Variants in MALRD1 observed in about 807,000 individuals in gnomAD.
MALRD1 encodes the protein MAM and LDL receptor class A domain containing 1, also known as MAM and LDL-receptor class A domain-containing protein 1.
MALRD1 carries 247 observed loss-of-function variants against 242.1 expected under a neutral mutation model. The observed-to-expected ratio is 1.02, with a 90% CI of 0.92 to 1.13. MALRD1 has a LOEUF of 1.13. Ranked by LOEUF, MALRD1 falls within the 50% of genes most tolerant of loss-of-function variation. The pLI is 0.00. For synonymous variants in MALRD1, 995 were observed against 866.6 expected (o/e 1.15, Z -2.60); for missense variants, 2,989 against 2,533.1 (o/e 1.18, Z -3.86).
At chr10:19,580,069 A>G (rs1837033960) in intron 33 of MALRD1, among the ~76,000 whole-genome samples, 1 of 152,288 alleles carries the variant, frequency 6.6e-6, no homozygotes, top group Middle Eastern at 3.4e-3. Flanking sequence ...TTAAACAGGA[A>G]TGAATCTGTA....
At chr10:19,107,198 A>G (rs1362943982) in intron 5 of MALRD1, among the ~76,000 whole-genome samples, 1 of 151,970 alleles carries the variant, frequency 6.6e-6, no homozygotes, top group Non-Finnish European at 1.5e-5. Context: ...TTCTGTCTGA[A>G]TTATCCGTCC....
intron 2 of MALRD1, among the ~76,000 whole-genome samples, chr10:19,081,492 T>C (rs1010001253): frequency 6.6e-6 from 1 of 152,070 alleles, no homozygotes; most frequent in Admixed American, 6.6e-5. Flanking sequence ...GAAACTGTTA[T>C]CCTCAGCAAA....
At chr10:19,208,260 T>A (rs1836874927) in intron 17 of MALRD1, among the ~76,000 whole-genome samples, 1 of 152,088 alleles carries the variant, frequency 6.6e-6, no homozygotes, top group African/African-American at 2.4e-5. Context: ...AAAAGACCCA[T>A]ACTGATGAAT....
chr10:19,230,207 G>T (rs750852946), intron 18 of MALRD1, among the ~76,000 whole-genome samples: 1 of 151,954 alleles, frequency 6.6e-6, no homozygotes, highest in Non-Finnish European at 1.5e-5. Context: ...CCCAGTCTTG[G>T]GTATGTCTTC....
intron 36 of MALRD1, among the ~76,000 whole-genome samples, chr10:19,621,403 G>A (rs1230470747): frequency 6.8e-6 from 1 of 146,806 alleles, no homozygotes; most frequent in Non-Finnish European, 1.5e-5. Flanking sequence ...AAATGAATTG[G>A]CTGGATTAAC....
At chr10:19,111,246 A>G (rs1484640016) in intron 5 of MALRD1, among the ~76,000 whole-genome samples, 1 of 152,192 alleles carries the variant, frequency 6.6e-6, no homozygotes, top group East Asian at 1.9e-4. Flanking sequence ...AGTACAAGTG[A>G]GATTTCAGAA....
At chr10:19,513,466 G>A (rs902532308) in intron 31 of MALRD1, among the ~76,000 whole-genome samples, 4 of 149,800 alleles carry the variant, frequency 2.7e-5, no homozygotes, top group Non-Finnish European at 1.5e-5. Context: ...CTGGCCGGGC[G>A]TGGTGGCTCA....
At chr10:19,600,848 A>G (rs545530013) in intron 34 of MALRD1, among the ~76,000 whole-genome samples, 1 of 152,158 alleles carries the variant, frequency 6.6e-6, no homozygotes, top group African/African-American at 2.4e-5. Context: ...AAGAATACCA[A>G]TTTCTAGGAT....
At chr10:19,572,981 T>A (rs1482697068) in intron 33 of MALRD1, among the ~76,000 whole-genome samples, 1 of 152,172 alleles carries the variant, frequency 6.6e-6, no homozygotes, top group African/African-American at 2.4e-5. Context: ...GCCATCCAGC[T>A]TGGGATACTT....
At chr10:19,599,057 G>A (rs903471806) in intron 34 of MALRD1, among the ~76,000 whole-genome samples, 4 of 152,120 alleles carry the variant, frequency 2.6e-5, no homozygotes, top group African/African-American at 9.7e-5. Flanking sequence ...GAATTCTGAA[G>A]CCATTCTTTT....
At chr10:19,479,968 C>G (rs1836919112) in intron 29 of MALRD1, among the ~76,000 whole-genome samples, 1 of 152,126 alleles carries the variant, frequency 6.6e-6, no homozygotes, top group Non-Finnish European at 1.5e-5. Flanking sequence ...CATGATCTTA[C>G]CTAGTAGCAA....
intron 38 of MALRD1, among the ~76,000 whole-genome samples, chr10:19,715,715 A>G (rs1303423879): frequency 1.3e-5 from 2 of 152,242 alleles, no homozygotes; most frequent in Admixed American, 6.5e-5. Context: ...TACAAACAGC[A>G]TGATGTCGGC....
chr10:19,422,286 A>G (rs1192062566), intron 28 of MALRD1, among the ~76,000 whole-genome samples: 1 of 152,228 alleles, frequency 6.6e-6, no homozygotes, highest in Non-Finnish European at 1.5e-5. Context: ...TTTGTGTCAG[A>G]ACACAGTAAT....
chr10:19,353,761 G>T (rs975541081), intron 26 of MALRD1, among the ~76,000 whole-genome samples: 2 of 152,180 alleles, frequency 1.3e-5, no homozygotes, highest in African/African-American at 4.8e-5. Context: ...TTTGATGGCA[G>T]ATATAGGTCT....
chr10:19,432,307 G>C (rs1834165858), intron 28 of MALRD1, among the ~76,000 whole-genome samples: 1 of 152,122 alleles, frequency 6.6e-6, no homozygotes, highest in Admixed American at 6.5e-5. Flanking sequence ...TCACTGTTTA[G>C]GAAAAACACC....
chr10:19,590,678 A>C (rs529324412), intron 33 of MALRD1, among the ~76,000 whole-genome samples: 2 of 152,254 alleles, frequency 1.3e-5, no homozygotes, highest in South Asian at 4.1e-4. Flanking sequence ...TTATATAGCA[A>C]AATTAATACG....
intron 29 of MALRD1, among the ~76,000 whole-genome samples, chr10:19,478,410 A>G (rs779047014): frequency 3.9e-5 from 6 of 152,164 alleles, no homozygotes; most frequent in Non-Finnish European, 7.4e-5. Context: ...GCTAGGAGCA[A>G]TCTGTGCACT....
chr10:19,349,192 C>A (rs1284938125), intron 25 of MALRD1, among the ~76,000 whole-genome samples: 2 of 152,132 alleles, frequency 1.3e-5, no homozygotes, highest in African/African-American at 4.8e-5. Flanking sequence ...AACTCCTGAC[C>A]TCAGGTGATC....
upstream of MALRD1, among the ~76,000 whole-genome samples, chr10:19,047,189 A>G (rs952630): frequency 0.33 from 49,839 of 152,060 alleles, 8,308 homozygotes; most frequent in Admixed American, 0.39. Context: ...ATTAATAGGT[A>G]GGATAGGTGA....
Sources: gnomAD v4.1 joint callset for allele counts (sites outside exome capture counted in the v4.1 genomes callset) on GRCh38, gnomAD v4.1.1 for gene constraint, MANE v1.5 for transcripts, NCBI Gene and HGNC (gene_info 2026-07-23, HGNC 2026-07-21) for gene names.